TCTN1: variants seen among roughly 807,000 people sequenced by gnomAD.
TCTN1 encodes tectonic-1.
A neutral mutation model predicts 65.8 loss-of-function variants in TCTN1; 58 were observed. The ratio of observed to expected loss-of-function variants is 0.88; its 90% CI spans 0.71 to 1.10. The LOEUF is 1.10. Among genes scored for constraint, TCTN1 ranks in the 50% least tolerant of loss-of-function variants. The probability of loss-of-function intolerance (pLI) is 0.00; values close to 1 mark genes in which losing one functional copy is unlikely to be tolerated. For missense variants in TCTN1, 645 were observed against 719.4 expected, an observed-to-expected ratio of 0.90 and a Z score of 1.18; for synonymous variants, 273 against 289.1, an observed-to-expected ratio of 0.94 and a Z score of 0.57.
chr12:110,626,190 G>GCCAT lies in TCTN1; in HGVS notation c.342-171_342-168dup, dbSNP rs200121578. On this transcript the variant is annotated intron_variant, in intron 2 of 14. Transcript: ENST00000397659. ...TGCCAGCTCTGCCTCCTGGGTTCATGCCATTCTCCCGCCTCAGCCTCCCAA... is the reference window on the plus strand; with the variant it reads ...TGCCAGCTCTGCCTCCTGGGTTCATGCCATCCATTCTCCCGCCTCAGCCTCCCAA... 4.2e-3 allele frequency among the ~76,000 whole-genome samples: 644 copies of GCCAT among 151,626 alleles called. 8 individuals are homozygous for GCCAT. Among genetic ancestry groups the GCCAT allele is most frequent in the Non-Finnish European group, 4.7e-3 (322 of 67,896 alleles).
At position 110,640,344 on chromosome 12, in the gene TCTN1, G is replaced by A. The variant is rs747325991; in HGVS notation, c.844-39G>A. On this transcript the variant is annotated intron_variant, in intron 7 of 14. Transcript: ENST00000397659. The surrounding 1 kb of genome is among the most constrained non-coding windows in gnomAD (Gnocchi z 4.9). ...TGGTTATTTTAGCCCATCCTCCCTG[G>A]GTAGAGCATCTTCAACACTCCAGGT... The A allele has an allele frequency of 1.2e-6, 2 of 1,613,762 alleles. No individual in the cohort carries two copies. The highest frequency in any genetic ancestry group is 1.7e-5 in the Admixed American group (1 of 59,966).
intron 4 of TCTN1, 118 bp downstream of exon 4, chr12:110,629,036 A>G: frequency 2.6e-6 from 3 of 1,149,452 alleles, no homozygotes; most frequent in South Asian, 2.7e-5. Context: ...ATTATAGACT[A>G]AAAAACTTAA....
Position 110,632,489 on chromosome 12 carries a change from G to A in TCTN1, c.642G>A (p.Gln214=). 6.2e-7 allele frequency: 1 copy of A among 1,614,008 alleles called. No homozygotes were observed. The highest frequency in any genetic ancestry group is 8.5e-7 in the Non-Finnish European group (1 of 1,179,948). ...GTTTGCAGTATGGGGTTCCTCTGCA[G>A]ACTTCAGATTCGTTTCTGAGATTTC... ...AAKYEYGVPL[Q]TSDSFLRFPS... Residue 214 remains glutamine, a synonymous_variant, in exon 5 of 15, where the codon CAG becomes CAA. Coordinates refer to ENST00000397659, the MANE Select transcript of TCTN1 (RefSeq NM_001082538.3).
At position 110,628,190 on chromosome 12, in the gene TCTN1, C is replaced by T. The variant is rs150690907; in HGVS notation, c.473-577C>T. 4,769 of 1,535,946 alleles carry T rather than the reference C, an allele frequency of 3.1e-3. 98 individuals carry two copies. The highest frequency in any genetic ancestry group is 0.011 in the South Asian group (951 of 84,050). On this transcript the variant is annotated intron_variant, in intron 3 of 14. Coordinates refer to ENST00000397659, the MANE Select transcript of TCTN1 (RefSeq NM_001082538.3). ...TCAGTCCAGGGGCTAGAGAAATAGACGGATTATTATTGGCTTCTGTTGTGC... is the reference window on the plus strand; with the variant it reads ...TCAGTCCAGGGGCTAGAGAAATAGATGGATTATTATTGGCTTCTGTTGTGC...
intron 1 of TCTN1, among the ~76,000 whole-genome samples, chr12:110,615,026 T>C (rs1419511369): frequency 6.6e-6 from 1 of 152,244 alleles, no homozygotes; most frequent in Non-Finnish European, 1.5e-5. Context: ...GCGCCGTGGC[T>C]CACGCCTGTA....
At chr12:110,633,648 AAAAAG>A (rs2066371838) in intron 5 of TCTN1, among the ~76,000 whole-genome samples, 1 of 152,016 alleles carries the variant, frequency 6.6e-6, no homozygotes, top group Non-Finnish European at 1.5e-5. Flanking sequence ...AAGAAAAAAA[AAAAAG>A]AAAACAAAAC....
chr12:110,624,056 T>G (rs1279861090), intron 2 of TCTN1, among the ~76,000 whole-genome samples: 1 of 152,030 alleles, frequency 6.6e-6, no homozygotes, highest in Non-Finnish European at 1.5e-5. Flanking sequence ...TGACTATCTC[T>G]ATACTATTAT....
chr12:110,623,665 G>T (rs563427281), intron 2 of TCTN1, among the ~76,000 whole-genome samples: 10 of 152,176 alleles, frequency 6.6e-5, no homozygotes, highest in Admixed American at 2.0e-4. Context: ...ATCATAGCTC[G>T]CTGTAACCTT....
At chr12:110,645,263 C>A in intron 12 of TCTN1, 134 bp downstream of exon 12, 1 of 1,193,018 alleles carries the variant, frequency 8.4e-7, no homozygotes, top group Non-Finnish European at 1.2e-6. Context: ...ATCTTGGATA[C>A]TGATTTTTGC....
chr12:110,617,037 AAC>A (rs1274684900), intron 1 of TCTN1: 1 of 152,226 alleles, frequency 6.6e-6, no homozygotes, highest in Non-Finnish European at 1.5e-5. Context: ...GGAGTTATTA[AAC>A]ACTATTGCTT....
intron 5 of TCTN1, 69 bp from the exon 6 acceptor site, chr12:110,634,601 C>T (rs2066437653): frequency 1.6e-6 from 2 of 1,245,962 alleles, no homozygotes; most frequent in African/African-American, 3.0e-5. Context: ...TTTTTAGTTG[C>T]CATTGGAAAA....
intron 1 of TCTN1, 167 bp downstream of exon 1, chr12:110,614,569 T>A: frequency 7.4e-7 from 1 of 1,344,540 alleles, no homozygotes; most frequent in Non-Finnish European, 1.0e-6. Context: ...CCCTGAGAAG[T>A]AGCTGTTACT....
At chr12:110,648,021 G>T (rs968151285) in intron 14 of TCTN1, 128 bp downstream of exon 14, 12 of 1,393,616 alleles carry the variant, frequency 8.6e-6, no homozygotes, top group African/African-American at 1.4e-5. Flanking sequence ...GCCCAGGCTG[G>T]AGTGCAGTGG....
chr12:110,646,981 T>C, intron 12 of TCTN1: 1 of 575,382 alleles, frequency 1.7e-6, no homozygotes, highest in South Asian at 2.0e-5. Context: ...TAGGAGGAGA[T>C]GGAAAAATTA....
intron 5 of TCTN1, among the ~76,000 whole-genome samples, chr12:110,633,578 A>G (rs2066366391): frequency 6.6e-6 from 1 of 150,522 alleles, no homozygotes; most frequent in African/African-American, 2.4e-5. Flanking sequence ...TGGAGGTTGC[A>G]GTGAGCTGAA....
intron 2 of TCTN1, among the ~76,000 whole-genome samples, chr12:110,621,713 C>T (rs922701957): frequency 2.0e-5 from 3 of 151,866 alleles, no homozygotes; most frequent in African/African-American, 7.3e-5. Context: ...ACCTCGTGAT[C>T]CGCCCACCTC....
chr12:110,626,533 A>T, intron 3 of TCTN1, 41 bp downstream of exon 3: 1 of 1,590,242 alleles, frequency 6.3e-7, no homozygotes, highest in Non-Finnish European at 8.6e-7. Flanking sequence ...AGCTCTGGAA[A>T]ATTTTTCTCA....
rs189310453 is a variant in TCTN1 at position 110,640,092 on chromosome 12, T to C, written c.844-291T>C. 1.4e-3 allele frequency among the ~76,000 whole-genome samples: 208 copies of C among 152,362 alleles called. No homozygotes were observed. Among genetic ancestry groups the C allele is most frequent in the Middle Eastern group, 6.8e-3 (2 of 294 alleles). On this transcript the variant is annotated intron_variant, in intron 7 of 14. Coordinates refer to ENST00000397659, the MANE Select transcript of TCTN1 (RefSeq NM_001082538.3). The surrounding 1 kb of genome is among the most constrained non-coding windows in gnomAD (Gnocchi z 4.9). ...CATTTAGGTGGTTTTTGGTTTTAGC[T>C]ATTTTGATAGTGCAGCTGTGAACAT...
In TCTN1 at chr12:110,634,659, A is replaced by G. The variant is rs1291175413; in HGVS notation, c.713-11A>G. 1 of 1,590,984 alleles carries G rather than the reference A, an allele frequency of 6.3e-7. No individual in the cohort carries two copies. Among genetic ancestry groups the G allele is most frequent in the Non-Finnish European group, 8.6e-7 (1 of 1,167,378 alleles). ...TATTTTTTTTTCCTTGGGAATGTTA[A>G]TGATTTCTAGCGTTTCTGGTGAACC... On this transcript the variant is annotated splice_polypyrimidine_tract_variant and intron_variant, in intron 5 of 14. Transcript: ENST00000397659.
Sources: allele counts gnomAD v4.1 joint callset (sites outside exome capture counted in the v4.1 genomes callset), GRCh38; gene constraint gnomAD v4.1.1; non-coding constraint Gnocchi (gnomAD v3.1); transcripts MANE v1.5; gene names NCBI Gene and HGNC (gene_info 2026-07-23, HGNC 2026-07-21).